DMD: variants seen among roughly 807,000 people sequenced by gnomAD.
DMD encodes dystrophin, also known as mutant dystrophin.
In DMD, 63 loss-of-function variants were observed where a neutral mutation model predicts 330.1. The observed-to-expected ratio is 0.19, with a 90% confidence interval of 0.16 to 0.24. The LOEUF (loss-of-function observed/expected upper bound fraction) is 0.24. DMD is among the 10% of genes least tolerant of loss of function. DMD has a pLI of 1.00. For synonymous variants in DMD, 1,223 were observed against 959.8 expected (o/e 1.27, Z -5.07); for missense variants, 3,344 against 2,684.1 (o/e 1.25, Z -5.43).
intron 2 of DMD, among the ~76,000 whole-genome samples, chrX:32,872,259 C>CT (rs778598923): frequency 1.8e-5 from 2 of 111,811 alleles, no homozygotes; most frequent in South Asian, 7.5e-4. Flanking sequence ...GACCTCACAG[C>CT]TTTTTGACCT....
chrX:31,968,426 G>A lies in DMD; in HGVS notation c.6527C>T (p.Thr2176Ile), dbSNP rs779154603. 1 of 1,210,683 alleles carries A rather than the reference G, an allele frequency of 8.3e-7. No individual in the cohort carries two copies. Among genetic ancestry groups the A allele is most frequent in the Non-Finnish European group, 1.1e-6 (1 of 894,772 alleles). ...GEEIIQQSSK[T>I]DASILQEKLG... ...TTTTTCCTGTAGAATACTGGCATCTGTTTTTGAGGATTGCTGAATTATTTC... is the reference window on the plus strand; with the variant it reads ...TTTTTCCTGTAGAATACTGGCATCTATTTTTGAGGATTGCTGAATTATTTC... The change falls in exon 45 of 79, where the codon ACA becomes ATA. Residue 2176 changes from threonine (T) to isoleucine (I), a missense_variant. Coordinates refer to ENST00000357033, the MANE Select transcript of DMD (RefSeq NM_004006.3).
rs2077789255 is a variant in DMD, at chrX:32,816,672, T to C, written c.358-32A>G. ...GTGGAAATAAATTTTCATAAGAAAA[T>C]GCATTCCTTGAGCAAGAACCATGCA... On this transcript the variant is annotated intron_variant, in intron 5 of 78. Transcript: ENST00000357033. The C allele has an allele frequency of 2.5e-6, 3 of 1,181,435 alleles. No individual in the cohort carries two copies. In the South Asian group the frequency reaches 5.3e-5, roughly 21 times the overall value.
chrX:31,878,530 T>TA (rs970202552), intron 47 of DMD, among the ~76,000 whole-genome samples: 1 of 111,610 alleles, frequency 9.0e-6, no homozygotes, highest in African/African-American at 3.3e-5. Context: ...CTGGACTATA[T>TA]AAAAAATCAA....
chrX:32,200,119 C>A (rs2097027436), intron 44 of DMD, among the ~76,000 whole-genome samples: 1 of 111,246 alleles, frequency 9.0e-6, no homozygotes, highest in South Asian at 3.8e-4. Flanking sequence ...GTGAACTCTG[C>A]ACTTTTGAAT....
chrX:32,312,788 T>C (rs960108679), intron 41 of DMD, among the ~76,000 whole-genome samples: 1 of 106,148 alleles, frequency 9.4e-6, no homozygotes, highest in Non-Finnish European at 1.9e-5. Context: ...CAGAGAATAC[T>C]ATCAACACCT....
intron 63 of DMD, among the ~76,000 whole-genome samples, chrX:31,231,740 T>A (rs1394271221): frequency 3.6e-5 from 4 of 111,552 alleles, no homozygotes; most frequent in Non-Finnish European, 7.5e-5. Context: ...ATTAGCTGGA[T>A]GCGGCGGCAG....
chrX:31,339,647 C>T (rs1240505629), intron 61 of DMD, among the ~76,000 whole-genome samples: 4 of 111,988 alleles, frequency 3.6e-5, no homozygotes, highest in African/African-American at 9.8e-5. Context: ...GCAATCTCGG[C>T]TCACTGCAAC....
intron 1 of DMD, among the ~76,000 whole-genome samples, chrX:33,202,137 G>A (rs2051309405): frequency 9.0e-6 from 1 of 111,428 alleles, no homozygotes; most frequent in Non-Finnish European, 1.9e-5. Context: ...AATTTTAATG[G>A]GTTTTATTTT....
intron 50 of DMD, among the ~76,000 whole-genome samples, chrX:31,807,722 A>G (rs2092335158): frequency 8.9e-6 from 1 of 112,104 alleles, no homozygotes; most frequent in Middle Eastern, 4.6e-3. Flanking sequence ...AGAAAGGGGA[A>G]GAGAGAGTAT....
intron 7 of DMD, among the ~76,000 whole-genome samples, chrX:32,778,949 G>A (rs1241470979): frequency 9.0e-6 from 1 of 111,218 alleles, no homozygotes; most frequent in Non-Finnish European, 1.9e-5. Context: ...ACTACCAAAG[G>A]AGAGTTTAAA....
intron 60 of DMD, among the ~76,000 whole-genome samples, chrX:31,370,140 C>T (rs2148648215): frequency 9.3e-6 from 1 of 107,706 alleles, no homozygotes; most frequent in South Asian, 4.0e-4. Context: ...TCTTTGGGAT[C>T]CAGGGCTAGG....
At chrX:31,826,685 T>C (rs1172233559) in intron 49 of DMD, among the ~76,000 whole-genome samples, 1 of 112,499 alleles carries the variant, frequency 8.9e-6, no homozygotes, top group Non-Finnish European at 1.9e-5. Flanking sequence ...CAATACATGT[T>C]AATCATCTAT....
At chrX:32,184,640 GTTAGCAACCACTC>G (rs779169681) in intron 44 of DMD, among the ~76,000 whole-genome samples, 1 of 111,092 alleles carries the variant, frequency 9.0e-6, no homozygotes, top group African/African-American at 3.3e-5. Flanking sequence ...AAAGCAAAGA[GTTAGCAACCACTC>G]TTCTTGCAAA....
At chrX:31,330,603 T>A (rs1404080467) in intron 61 of DMD, among the ~76,000 whole-genome samples, 1 of 112,303 alleles carries the variant, frequency 8.9e-6, no homozygotes, top group African/African-American at 3.2e-5. Flanking sequence ...TTGTGCTCTG[T>A]AACCCAGCCT....
intron 12 of DMD, among the ~76,000 whole-genome samples, chrX:32,599,738 T>C (rs1237888004): frequency 2.7e-5 from 3 of 111,853 alleles, no homozygotes; most frequent in Admixed American, 9.5e-5. Flanking sequence ...CATACACATA[T>C]ATACACACAT....
chrX:32,121,400 T>C (rs1224398552), intron 44 of DMD, among the ~76,000 whole-genome samples: 2 of 106,450 alleles, frequency 1.9e-5, no homozygotes, highest in African/African-American at 6.9e-5. Context: ...GGTGGGCTGC[T>C]TCCTGCTTCT....
chrX:32,655,421 G>C (rs773594181), intron 9 of DMD, among the ~76,000 whole-genome samples: 1 of 112,335 alleles, frequency 8.9e-6, no homozygotes, highest in Admixed American at 9.4e-5. Flanking sequence ...GCAGCAGGTT[G>C]TTCAGTTTCC....
intron 7 of DMD, among the ~76,000 whole-genome samples, chrX:32,729,246 T>C (rs1323649419): frequency 8.9e-6 from 1 of 111,977 alleles, no homozygotes; most frequent in Non-Finnish European, 1.9e-5. Flanking sequence ...AATAAAGATA[T>C]TCCAAACTGA....
intron 44 of DMD, among the ~76,000 whole-genome samples, chrX:31,999,069 G>A (rs942808668): frequency 2.3e-4 from 26 of 111,713 alleles, no homozygotes; most frequent in Middle Eastern, 4.6e-3. Flanking sequence ...AATTTAAAAC[G>A]TCAAGTCAAT....
Sources: gnomAD v4.1 joint callset for allele counts (sites outside exome capture counted in the v4.1 genomes callset) on GRCh38, gnomAD v4.1.1 for gene constraint, MANE v1.5 for transcripts, NCBI Gene and HGNC (gene_info 2026-07-23, HGNC 2026-07-21) for gene names.